DPF3: variants seen among roughly 807,000 people sequenced by gnomAD.
DPF3 encodes double PHD fingers 3.
Under a neutral mutation model 56.8 loss-of-function variants are expected in DPF3, and 18 were observed. The observed-to-expected ratio is 0.32, with a 90% CI of 0.22 to 0.47. DPF3 has a LOEUF of 0.47. DPF3 is among the 20% of genes least tolerant of loss of function. The pLI, the probability that DPF3 is intolerant of heterozygous loss-of-function variation, is 1.00. For missense variants in DPF3, 403 were observed against 488.8 expected (o/e 0.82, Z 1.65); for synonymous variants, 188 against 180.2 (o/e 1.04, Z -0.35).
At chr14:72,770,220 A>G (rs938921941) in intron 2 of DPF3, among the ~76,000 whole-genome samples, 1 of 152,190 alleles carries the variant, frequency 6.6e-6, no homozygotes, top group African/African-American at 2.4e-5. Context: ...CTCTAGACCT[A>G]ACTACCAATT....
chr14:72,677,747 T>TG (rs1886976692), intron 7 of DPF3, among the ~76,000 whole-genome samples: 1 of 152,186 alleles, frequency 6.6e-6, no homozygotes, highest in Non-Finnish European at 1.5e-5. Context: ...CATGTGTGCA[T>TG]GAATTGGTCT....
intron 8 of DPF3, among the ~76,000 whole-genome samples, chr14:72,636,410 A>C (rs1885384569): frequency 6.6e-6 from 1 of 152,122 alleles, no homozygotes; most frequent in African/African-American, 2.4e-5. Flanking sequence ...AATCAGATCC[A>C]TTCATTTTCA....
At chr14:72,662,251 G>A (rs1886247207) in intron 8 of DPF3, 2 of 985,222 alleles carry the variant, frequency 2.0e-6, no homozygotes, top group South Asian at 4.7e-5. Context: ...GCCTGAGAGA[G>A]CAGAGTTGAT....
chr14:72,772,598 T>C (rs543486218), intron 1 of DPF3, among the ~76,000 whole-genome samples: 1 of 152,124 alleles, frequency 6.6e-6, no homozygotes, highest in South Asian at 2.1e-4. Context: ...AGAAAGACCT[T>C]TCTGGTTTGC....
chr14:72,861,068 CAG>C (rs1885386768), intron 1 of DPF3, among the ~76,000 whole-genome samples: 1 of 130,652 alleles, frequency 7.7e-6, no homozygotes, highest in East Asian at 2.5e-4. Flanking sequence ...CACACACACA[CAG>C]ACACATACAC....
At chr14:72,818,674 A>G (rs1051928863) in intron 1 of DPF3, among the ~76,000 whole-genome samples, 1 of 152,226 alleles carries the variant, frequency 6.6e-6, no homozygotes, top group Non-Finnish European at 1.5e-5. Context: ...CCTTGTCTCT[A>G]AAAAGATAAA....
At chr14:72,653,547 C>T (rs1210701583) in intron 8 of DPF3, among the ~76,000 whole-genome samples, 2 of 152,230 alleles carry the variant, frequency 1.3e-5, no homozygotes, top group African/African-American at 2.4e-5. Context: ...AGGAGCTTCA[C>T]GGCCAGCAAC....
intron 2 of DPF3, among the ~76,000 whole-genome samples, chr14:72,757,156 G>A (rs1297372363): frequency 6.6e-6 from 1 of 151,900 alleles, no homozygotes; most frequent in Non-Finnish European, 1.5e-5. Context: ...AACAGCAATT[G>A]AAATGGGGAA....
intron 1 of DPF3, among the ~76,000 whole-genome samples, chr14:72,890,958 G>A (rs1886727975): frequency 2.0e-5 from 3 of 152,032 alleles, no homozygotes; most frequent in Admixed American, 2.0e-4. Flanking sequence ...GGTACAACAA[G>A]GAAGAAAAAG....
chr14:72,850,981 C>G (rs1445264877), intron 1 of DPF3, among the ~76,000 whole-genome samples: 1 of 152,222 alleles, frequency 6.6e-6, no homozygotes, highest in Non-Finnish European at 1.5e-5. Flanking sequence ...AAAGGGGCAG[C>G]AGCTGCTGAT....
At chr14:72,773,133 G>GTT (rs61015684) in intron 1 of DPF3, among the ~76,000 whole-genome samples, 4 of 117,686 alleles carry the variant, frequency 3.4e-5, no homozygotes, top group Non-Finnish European at 7.2e-5. Flanking sequence ...GGTTTTTTGG[G>GTT]TTTTTTTTTT....
chr14:72,797,180 G>A (rs1892678630), intron 1 of DPF3, among the ~76,000 whole-genome samples: 1 of 152,100 alleles, frequency 6.6e-6, no homozygotes, highest in Non-Finnish European at 1.5e-5. Context: ...ATATGAATAC[G>A]CTTGGGCTAG....
chr14:72,819,190 G>A (rs926888543), intron 1 of DPF3, among the ~76,000 whole-genome samples: 3 of 152,168 alleles, frequency 2.0e-5, no homozygotes, highest in African/African-American at 7.2e-5. Flanking sequence ...CAAAAGACTG[G>A]TAATGTCACC....
chr14:72,838,260 G>A (rs778478405), intron 1 of DPF3, among the ~76,000 whole-genome samples: 10 of 152,180 alleles, frequency 6.6e-5, no homozygotes, highest in East Asian at 1.9e-4. Context: ...CTGGGAGGCC[G>A]AGACGGGCAG....
intron 1 of DPF3, among the ~76,000 whole-genome samples, chr14:72,865,875 C>T (rs1186435504): frequency 1.3e-5 from 2 of 152,004 alleles, no homozygotes; most frequent in African/African-American, 4.8e-5. Flanking sequence ...GATGAAACCC[C>T]GTCTCTACTA....
At chr14:72,798,910 C>T (rs780842302) in intron 1 of DPF3, among the ~76,000 whole-genome samples, 5 of 152,250 alleles carry the variant, frequency 3.3e-5, no homozygotes, top group Admixed American at 6.5e-5. Flanking sequence ...CTGCCCTCTC[C>T]TAAAGCTCCC....
chr14:72,633,800 C>T (rs760278093), intron 8 of DPF3, among the ~76,000 whole-genome samples: 1 of 152,088 alleles, frequency 6.6e-6, no homozygotes, highest in Admixed American at 6.5e-5. Flanking sequence ...CCGGGGGTGG[C>T]GTGTGCTGCA....
chr14:72,827,003 C>T lies in DPF3; in HGVS notation c.33-55110G>A, dbSNP rs112255297. On this transcript the variant is annotated intron_variant, in intron 1 of 10. Coordinates refer to ENST00000556509, the MANE Select transcript of DPF3 (RefSeq NM_001280542.3). ...GTTGCAGTGAGCCAAGATTGTGCCA[C>T]TGCACTCCAGCCTGGGCAACAAGAG... 5.6e-3 allele frequency among the ~76,000 whole-genome samples: 840 copies of T among 149,720 alleles called. 6 individuals carry two copies. The highest frequency in any genetic ancestry group is 0.02 in the African/African-American group (820 of 40,694).
intron 7 of DPF3, among the ~76,000 whole-genome samples, chr14:72,680,795 G>T (rs1164148908): frequency 6.6e-6 from 1 of 152,248 alleles, no homozygotes; most frequent in African/African-American, 2.4e-5. Flanking sequence ...CTCTGGAGAG[G>T]CCTCTGCACA....
Sources: allele counts gnomAD v4.1 joint callset (sites outside exome capture counted in the v4.1 genomes callset), GRCh38; gene constraint gnomAD v4.1.1; transcripts MANE v1.5; gene names NCBI Gene and HGNC (gene_info 2026-07-23, HGNC 2026-07-21).